Variants in ALS2CL observed in about 807,000 individuals in gnomAD.
ALS2CL encodes the protein ALS2 C-terminal like.
ALS2CL carries 112 observed loss-of-function variants against 127.9 expected under a neutral mutation model. The ratio of observed to expected loss-of-function variants is 0.88; its 90% CI spans 0.75 to 1.02. The LOEUF (loss-of-function observed/expected upper bound fraction) is 1.02. Among genes scored for constraint, ALS2CL ranks in the 50% least tolerant of loss-of-function variants. The pLI is 0.00. For missense variants in ALS2CL, 1,174 were observed against 1,236.7 expected (o/e 0.95, Z 0.76); for synonymous variants, 519 against 527.6 (o/e 0.98, Z 0.22).
intron 20 of ALS2CL, chr3:46,674,966 G>A (rs1698694345): frequency 6.7e-6 from 3 of 450,408 alleles, no homozygotes; most frequent in Non-Finnish European, 1.2e-5. Context: ...GGCAGGTGGG[G>A]CAGGAGTTGG....
chr3:46,684,139 T>A (rs1042717910), intron 7 of ALS2CL, 92 bp from the exon 8 acceptor site: 1 of 1,433,370 alleles, frequency 7.0e-7, no homozygotes, highest in African/African-American at 1.4e-5. Flanking sequence ...CAACCTTGTG[T>A]GGCCACCAAG....
chr3:46,680,103 G>C (rs1699198658), intron 14 of ALS2CL: 1 of 298,478 alleles, frequency 3.4e-6, no homozygotes, highest in African/African-American at 2.1e-5. Context: ...TTAGCCCAGA[G>C]CCAGGTGTCA....
rs967399285 is a variant in ALS2CL at position 46,681,686 on chromosome 3, C to T, written c.1176-88G>A. On this transcript the variant is annotated intron_variant, in intron 11 of 25. Transcript: ENST00000318962. The surrounding 1 kb of genome is among the most constrained non-coding windows in gnomAD (Gnocchi z 4.9). The stretch of plus-strand genomic sequence containing the variant: ...CATGCCACCCAGGAGTATCCCTGCC[C>T]CCAAGGAGCCTTCCAGACAACAGGG... 4.5e-6 allele frequency: 6 copies of T among 1,324,212 alleles called. No homozygotes were observed. In the African/African-American group the frequency reaches 8.7e-5, roughly 19 times the overall value. The allele number at this position is 1,324,212 out of a possible 1,614,324, so 82.0% of individuals were successfully genotyped here.
At chr3:46,682,772 G>T (rs1441824084) in intron 10 of ALS2CL, among the ~76,000 whole-genome samples, 1 of 152,208 alleles carries the variant, frequency 6.6e-6, no homozygotes, top group East Asian at 1.9e-4. Context: ...GCGTCTTCAT[G>T]AGGACCGATG....
rs555205386 is a variant in ALS2CL, at chr3:46,681,507, T to C, written c.1267A>G (p.Ile423Val). 8 of 1,614,094 alleles carry C rather than the reference T, an allele frequency of 5.0e-6. No individual in the cohort carries two copies. In the South Asian group the frequency reaches 8.8e-5, roughly 18 times the overall value. Reference protein sequence around the residue: ...WREGSMCGYGICEYSTDEVYK... With the variant: ...WREGSMCGYGVCEYSTDEVYK... The stretch of plus-strand genomic sequence containing the variant: ...CCAGCCAGGGTCACTTACTCACAGA[T>C]GCCGTAGCCACACATGCTGCCTTCT... The change falls in exon 12 of 26, where the codon ATC becomes GTC. Residue 423 changes from isoleucine to valine, a missense_variant. Ile to Val is a conservative substitution (Grantham distance 29). Coordinates refer to ENST00000318962, the MANE Select transcript of ALS2CL (RefSeq NM_147129.5). The surrounding 1 kb of genome is among the most constrained non-coding windows in gnomAD (Gnocchi z 4.9).
chr3:46,692,402 T>A (rs113579607), intron 1 of ALS2CL, among the ~76,000 whole-genome samples: 4 of 148,682 alleles, frequency 2.7e-5, no homozygotes, highest in African/African-American at 7.4e-5. Context: ...GTCAAGGGCA[T>A]AGCTTCCTCA....
In ALS2CL at chr3:46,669,095, G is replaced by C. The variant is rs1029473041; in HGVS notation, c.*1889C>G. The C allele has an allele frequency of 6.6e-6, 1 of 152,002 alleles. No individual in the cohort carries two copies. The highest frequency in any genetic ancestry group is 1.5e-5 in the Non-Finnish European group (1 of 68,006). 9.4% of individuals were successfully genotyped at this position (152,002 alleles called of 1,614,324 possible). A position where few individuals can be genotyped will look rare whatever the true frequency, so the allele number is the denominator to read the frequency against. On this transcript the variant is annotated 3_prime_UTR_variant, in exon 26 of 26. Transcript: ENST00000318962. ...CACCCAGGATTGAGTGCAGAGGTGC[G>C]ATCTCCGCTCACTGCAACCTCGACC...
chr3:46,687,121 C>T lies in ALS2CL; in HGVS notation c.396G>A (p.Ala132=). ...TCACACCTGAAAGCAGCTGCCGCAG[C>T]GCCTTCCGCTGGCCCCGCCAGTACT... ...RSEYWRGQRK[A]LRQLLSGVSS... is the part of the protein sequence containing the mutation. Residue 132 remains alanine, a synonymous_variant, in exon 5 of 26, where the codon GCG becomes GCA. Transcript: ENST00000318962. 5 of 1,546,746 alleles carry T rather than the reference C, an allele frequency of 3.2e-6. No individual in the cohort carries two copies. The highest frequency in any genetic ancestry group is 1.4e-5 in the African/African-American group (1 of 73,864).
chr3:46,692,977 A>AT (rs1212428165), intron 1 of ALS2CL, among the ~76,000 whole-genome samples: 5 of 151,930 alleles, frequency 3.3e-5, no homozygotes, highest in African/African-American at 9.7e-5. Flanking sequence ...AGGCTTTTTC[A>AT]TGGGCTGCCG....
rs985690491 is a variant in ALS2CL at position 46,683,201 on chromosome 3, G to A, written c.1038C>T (p.Thr346=). 1.2e-6 allele frequency: 2 copies of A among 1,608,842 alleles called. No homozygotes were observed. The highest frequency in any genetic ancestry group is 2.7e-5 in the African/African-American group (2 of 74,748). The stretch of plus-strand genomic sequence containing the variant: ...GGCAGAGCCGGCCCTCTGCCTGGAA[G>A]GTATATTCTGCGCAGCGGCAGTCGG... ...QPPDCRCAEY[T]FQAEGRLCQA... The change falls in exon 10 of 26, where the codon ACC becomes ACT. Residue 346 remains threonine, a synonymous_variant. Coordinates refer to ENST00000318962, the MANE Select transcript of ALS2CL (RefSeq NM_147129.5).
chr3:46,681,977 G>A lies in ALS2CL; in HGVS notation c.1175+52C>T. 6.3e-7 allele frequency: 1 copy of A among 1,593,456 alleles called. No individual in the cohort carries two copies. Among genetic ancestry groups the A allele is most frequent in the South Asian group, 1.1e-5 (1 of 88,818 alleles). On this transcript the variant is annotated intron_variant, in intron 11 of 25. Coordinates refer to ENST00000318962, the MANE Select transcript of ALS2CL (RefSeq NM_147129.5). The surrounding 1 kb of genome is among the most constrained non-coding windows in gnomAD (Gnocchi z 4.9). Reference sequence around the variant, plus strand: ...CTGGTGACCACAGCAGGGGAGGAAAGCACCCTTCAGCCCACTGCACGCCTC... The same window carrying A: ...CTGGTGACCACAGCAGGGGAGGAAAACACCCTTCAGCCCACTGCACGCCTC...
At chr3:46,688,673 C>T (rs1181318822) in intron 2 of ALS2CL, among the ~76,000 whole-genome samples, 1 of 152,222 alleles carries the variant, frequency 6.6e-6, no homozygotes, top group South Asian at 2.1e-4. Flanking sequence ...CAGTCCTCTG[C>T]CATTTCACAG....
rs139670900 is a variant in ALS2CL, at chr3:46,675,675, C to T, written c.2198G>A (p.Arg733Gln). The T allele has an allele frequency of 4.0e-5, 64 of 1,613,728 alleles. No individual in the cohort carries two copies. In the African/African-American group the frequency reaches 4.9e-4, roughly 12 times the overall value. Residue 733 changes from arginine to glutamine, a missense_variant, in exon 20 of 26, where the codon CGA becomes CAA. Arg to Gln is a conservative substitution (Grantham distance 43). Transcript: ENST00000318962. ...ELWAAYRGLL[R>Q]VALERKGQAL... is the part of the protein sequence containing the mutation. ...CTGGCCCTTGCGCTCTAAGGCAACT[C>T]GCAGCAGACCCCTGTGAGTCAATGA...
intron 20 of ALS2CL, 71 bp downstream of exon 20, chr3:46,675,547 G>T (rs1314381248): frequency 1.8e-5 from 26 of 1,430,208 alleles, no homozygotes; most frequent in Non-Finnish European, 2.4e-5. Flanking sequence ...TTTCCCCAAG[G>T]GAGGTCCTAG....
chr3:46,672,119 C>A (rs1429925605), intron 23 of ALS2CL, 21 bp downstream of exon 23: 3 of 1,614,204 alleles, frequency 1.9e-6, no homozygotes, highest in Non-Finnish European at 2.5e-6. Context: ...GGACCCCCAA[C>A]CCACTACGGC....
intron 2 of ALS2CL, among the ~76,000 whole-genome samples, chr3:46,688,786 C>T (rs1031701189): frequency 5.3e-5 from 8 of 152,240 alleles, no homozygotes; most frequent in Non-Finnish European, 8.8e-5. Context: ...CCGGCACCAT[C>T]AGGTGCCCTA....
Position 46,689,378 on chromosome 3 carries a change from G to A in ALS2CL, c.63C>T (p.Ala21=), listed in dbSNP as rs1177771736. The change falls in exon 2 of 26, where the codon GCC becomes GCT. Residue 21 remains alanine (A), a synonymous_variant. Transcript: ENST00000318962. ...GCTGGAGGACAAGGCTGTTGACATG[G>A]GCGAGGGTGGCTGAGAAGACCTCCT... The part of the protein sequence containing the change: ...RLEEVFSATL[A]HVNSLVLQPL... The A allele has an allele frequency of 3.1e-6, 5 of 1,612,434 alleles. No individual in the cohort carries two copies. The highest frequency in any genetic ancestry group is 3.4e-6 in the Non-Finnish European group (4 of 1,179,854).
At chr3:46,688,561 G>A (rs1699958193) in intron 2 of ALS2CL, among the ~76,000 whole-genome samples, 1 of 152,190 alleles carries the variant, frequency 6.6e-6, no homozygotes, top group Non-Finnish European at 1.5e-5. Context: ...GGACAACCCT[G>A]ACAGCCTCAG....
chr3:46,677,490 G>C, intron 16 of ALS2CL: 1 of 775,838 alleles, frequency 1.3e-6, no homozygotes, highest in South Asian at 5.3e-5. Flanking sequence ...TGTCATGCTC[G>C]TAGGCTACAC....
Sources: allele counts gnomAD v4.1 joint callset (sites outside exome capture counted in the v4.1 genomes callset), GRCh38; gene constraint gnomAD v4.1.1; non-coding constraint Gnocchi (gnomAD v3.1); transcripts MANE v1.5; gene names NCBI Gene and HGNC (gene_info 2026-07-23, HGNC 2026-07-21).